MAGI2: variants seen among roughly 807,000 people sequenced by gnomAD.
The protein encoded by MAGI2 is membrane associated guanylate kinase, WW and PDZ domain containing 2.
Under a neutral mutation model 133.3 loss-of-function variants are expected in MAGI2, and 35 were observed. The observed-to-expected ratio is 0.26, with a 90% CI of 0.20 to 0.35. The LOEUF (loss-of-function observed/expected upper bound fraction) is 0.35. MAGI2 is among the 10% of genes least tolerant of loss of function. The pLI is 1.00. For missense variants in MAGI2, 1,636 were observed against 1,863.4 expected (o/e 0.88, Z 2.25); for synonymous variants, 729 against 710.6 (o/e 1.03, Z -0.41).
At chr7:78,438,937 C>T (rs988887955) in intron 6 of MAGI2, among the ~76,000 whole-genome samples, 2 of 152,076 alleles carry the variant, frequency 1.3e-5, no homozygotes, top group African/African-American at 2.4e-5. Flanking sequence ...CATCTTCCTC[C>T]GAAGATGAAT....
chr7:79,273,172 C>T (rs1044580860), intron 1 of MAGI2, among the ~76,000 whole-genome samples: 1 of 151,988 alleles, frequency 6.6e-6, no homozygotes, highest in Admixed American at 6.6e-5. Context: ...CAGAGTCTTA[C>T]GTAGGGATGC....
At chr7:78,069,215 C>T (rs905167550) in intron 21 of MAGI2, among the ~76,000 whole-genome samples, 2 of 152,030 alleles carry the variant, frequency 1.3e-5, no homozygotes, top group African/African-American at 4.8e-5. Flanking sequence ...TAGTGGGAGG[C>T]CATGGACAGA....
At chr7:78,531,016 G>A (rs1797421289) in intron 3 of MAGI2, among the ~76,000 whole-genome samples, 1 of 152,126 alleles carries the variant, frequency 6.6e-6, no homozygotes, top group Non-Finnish European at 1.5e-5. Context: ...ATCCTGAGTA[G>A]TAAGGGCTCC....
chr7:79,357,595 G>A lies in MAGI2; in HGVS notation c.301+95425C>T, dbSNP rs139797198. Among the ~76,000 whole-genome samples, 14 of 152,238 alleles carry A rather than the reference G, an allele frequency of 9.2e-5. No individual in the cohort carries two copies. The East Asian group carries it at 2.1e-3, about 23-fold the overall frequency. Reference sequence around the variant, plus strand: ...ATGAATTGCTAAGGAAGTTAAATGCGGAAACTAAGAGAAGCTGGAAAAGAT... The same window carrying A: ...ATGAATTGCTAAGGAAGTTAAATGCAGAAACTAAGAGAAGCTGGAAAAGAT... On this transcript the variant is annotated intron_variant, in intron 1 of 21. Coordinates refer to ENST00000354212, the MANE Select transcript of MAGI2 (RefSeq NM_012301.4).
At chr7:78,971,479 T>G (rs1803778403) in intron 2 of MAGI2, among the ~76,000 whole-genome samples, 1 of 152,072 alleles carries the variant, frequency 6.6e-6, no homozygotes, top group South Asian at 2.1e-4. Context: ...AATATTCATT[T>G]AGGGTAAAGG....
At chr7:78,273,438 A>C (rs1055947784) in intron 9 of MAGI2, among the ~76,000 whole-genome samples, 1 of 152,084 alleles carries the variant, frequency 6.6e-6, no homozygotes, top group Non-Finnish European at 1.5e-5. Context: ...CTCGAGGAGT[A>C]TCTTTGTGGT....
intron 1 of MAGI2, among the ~76,000 whole-genome samples, chr7:79,180,532 G>A (rs545389726): frequency 6.6e-6 from 1 of 152,040 alleles, no homozygotes; most frequent in Non-Finnish European, 1.5e-5. Context: ...GAAAAGACCT[G>A]CCCCCATGAT....
At chr7:78,137,180 C>T (rs1822236493) in intron 16 of MAGI2, among the ~76,000 whole-genome samples, 1 of 152,002 alleles carries the variant, frequency 6.6e-6, no homozygotes, top group South Asian at 2.1e-4. Flanking sequence ...TGTTTTTGCC[C>T]CCTTTCATGT....
intron 7 of MAGI2, among the ~76,000 whole-genome samples, chr7:78,355,211 A>G (rs1409318253): frequency 1.3e-5 from 2 of 152,218 alleles, no homozygotes; most frequent in Non-Finnish European, 2.9e-5. Flanking sequence ...ATACAGATTT[A>G]TATCCCCACA....
At chr7:78,355,036 G>A (rs1791919197) in intron 7 of MAGI2, among the ~76,000 whole-genome samples, 1 of 152,084 alleles carries the variant, frequency 6.6e-6, no homozygotes, top group South Asian at 2.1e-4. Context: ...TTAATAGATT[G>A]GTTTATTGGG....
At chr7:79,242,855 C>T (rs1172089003) in intron 1 of MAGI2, among the ~76,000 whole-genome samples, 1 of 152,076 alleles carries the variant, frequency 6.6e-6, no homozygotes, top group Non-Finnish European at 1.5e-5. Context: ...AAGATATTTG[C>T]TATTCTGTAC....
At chr7:79,174,245 C>A (rs536440813) in intron 1 of MAGI2, among the ~76,000 whole-genome samples, 150 of 152,014 alleles carry the variant, frequency 9.9e-4, no homozygotes, top group African/African-American at 3.5e-3. Flanking sequence ...GAAAAAGAAT[C>A]ATCTATTTAT....
intron 3 of MAGI2, among the ~76,000 whole-genome samples, chr7:78,566,834 G>C (rs982728480): frequency 6.6e-6 from 1 of 151,872 alleles, no homozygotes; most frequent in African/African-American, 2.4e-5. Context: ...TAGCATCAAG[G>C]CCTAAAAAAA....
chr7:78,033,770 G>A (rs3779348), intron 21 of MAGI2, among the ~76,000 whole-genome samples: 19,946 of 152,090 alleles, frequency 0.13, 1,472 homozygotes, highest in Non-Finnish European at 0.17. Flanking sequence ...GGGTCAACAA[G>A]GGCCGAGCTC....
intron 2 of MAGI2, among the ~76,000 whole-genome samples, chr7:78,731,095 A>G (rs1002686903): frequency 1.3e-5 from 2 of 152,126 alleles, no homozygotes; most frequent in Non-Finnish European, 1.5e-5. Context: ...TTTAAACCCA[A>G]CCTTTCAATT....
intron 2 of MAGI2, among the ~76,000 whole-genome samples, chr7:78,893,844 T>A (rs900715303): frequency 6.6e-6 from 1 of 152,188 alleles, no homozygotes; most frequent in African/African-American, 2.4e-5. Context: ...ACCTGCACGT[T>A]GTGCACATGT....
chr7:78,143,893 G>A (rs1045455262), intron 16 of MAGI2, among the ~76,000 whole-genome samples: 1 of 149,424 alleles, frequency 6.7e-6, no homozygotes, highest in East Asian at 1.9e-4. Flanking sequence ...TTAATCTTAG[G>A]ACCATTTTTC....
At chr7:78,442,133 C>T (rs555183231) in intron 6 of MAGI2, among the ~76,000 whole-genome samples, 2 of 152,288 alleles carry the variant, frequency 1.3e-5, no homozygotes, top group Non-Finnish European at 2.9e-5. Flanking sequence ...CTGTTTCTTG[C>T]TCAATTAAAT....
chr7:78,704,777 T>TTTTTTTTTTTTTC (rs1563380661), intron 2 of MAGI2, among the ~76,000 whole-genome samples: 15 of 117,948 alleles, frequency 1.3e-4, no homozygotes, highest in Admixed American at 2.7e-4. Context: ...AGGCCATTAT[T>TTTTTTTTTTTTTC]CTTTTTTTTT....
Sources: allele counts gnomAD v4.1 joint callset (sites outside exome capture counted in the v4.1 genomes callset), GRCh38; gene constraint gnomAD v4.1.1; transcripts MANE v1.5; gene names NCBI Gene and HGNC (gene_info 2026-07-23, HGNC 2026-07-21).